CUX1: variants seen among roughly 807,000 people sequenced by gnomAD.
The protein encoded by CUX1 is protein CASP.
CUX1 carries 31 observed loss-of-function variants against 158.8 expected under a neutral mutation model. The observed-to-expected ratio is 0.20, with a 90% confidence interval of 0.15 to 0.26. The LOEUF (loss-of-function observed/expected upper bound fraction) is 0.26, where lower values mean the gene tolerates loss of function less well. Ranked by LOEUF, CUX1 falls within the 10% of genes least tolerant of loss-of-function variation. CUX1 has a pLI of 1.00. For synonymous variants in CUX1, 879 were observed against 862.1 expected, an observed-to-expected ratio of 1.02 and a Z score of -0.34; for missense variants, 1,589 against 2,014.6, an observed-to-expected ratio of 0.79 and a Z score of 4.04.
At chr7:102,157,153 A>G (rs1789857278) in intron 8 of CUX1, among the ~76,000 whole-genome samples, 1 of 152,040 alleles carries the variant, frequency 6.6e-6, no homozygotes, top group Non-Finnish European at 1.5e-5. Flanking sequence ...GGTAAGGCCA[A>G]GAGGAGGAAG....
chr7:102,060,895 A>C (rs1255204606), intron 3 of CUX1, among the ~76,000 whole-genome samples: 2 of 143,820 alleles, frequency 1.4e-5, no homozygotes, highest in African/African-American at 5.3e-5. Flanking sequence ...TACAGGTGTG[A>C]ACCACCGCGC....
At chr7:101,890,171 C>G (rs901267752) in intron 1 of CUX1, among the ~76,000 whole-genome samples, 2 of 152,160 alleles carry the variant, frequency 1.3e-5, no homozygotes, top group African/African-American at 4.8e-5. Context: ...GTGGGATAAT[C>G]GGTGTCTTGG....
chr7:101,832,747 A>G (rs1229500798), intron 1 of CUX1, among the ~76,000 whole-genome samples: 1 of 152,198 alleles, frequency 6.6e-6, no homozygotes, highest in Non-Finnish European at 1.5e-5. Flanking sequence ...GTGGCAAGGC[A>G]GGTACCTACT....
At chr7:102,061,306 C>G (rs1824847014) in intron 3 of CUX1, among the ~76,000 whole-genome samples, 1 of 151,820 alleles carries the variant, frequency 6.6e-6, no homozygotes, top group African/African-American at 2.4e-5. Context: ...CCAAGTCTGT[C>G]TTTTGATCAA....
chr7:101,989,290 C>T (rs958452058), intron 2 of CUX1, among the ~76,000 whole-genome samples: 12 of 152,218 alleles, frequency 7.9e-5, no homozygotes, highest in Non-Finnish European at 1.3e-4. Flanking sequence ...TGGCACCTCG[C>T]CTGGAACGAT....
At chr7:101,930,451 C>G (rs1424152185) in intron 2 of CUX1, among the ~76,000 whole-genome samples, 3 of 152,184 alleles carry the variant, frequency 2.0e-5, no homozygotes, top group Non-Finnish European at 4.4e-5. Context: ...CATGCTAACT[C>G]TGATACTTGC....
intron 1 of CUX1, among the ~76,000 whole-genome samples, chr7:101,876,432 C>T (rs1799143905): frequency 6.6e-6 from 1 of 151,854 alleles, no homozygotes; most frequent in Non-Finnish European, 1.5e-5. Context: ...CGCGCTGGCT[C>T]ATGCCTGTAA....
At chr7:102,067,322 T>A (rs1825656621) in intron 3 of CUX1, among the ~76,000 whole-genome samples, 1 of 132,510 alleles carries the variant, frequency 7.5e-6, no homozygotes, top group South Asian at 2.6e-4. Flanking sequence ...ATCCTCCACC[T>A]CCGGAGTACA....
intron 4 of CUX1, among the ~76,000 whole-genome samples, chr7:102,070,709 G>A (rs899987124): frequency 6.6e-6 from 1 of 152,218 alleles, no homozygotes; most frequent in Non-Finnish European, 1.5e-5. Flanking sequence ...TGCACGTACT[G>A]CAGAGAAGAT....
intron 1 of CUX1, among the ~76,000 whole-genome samples, chr7:101,856,866 C>T (rs1358441220): frequency 6.6e-6 from 1 of 152,164 alleles, no homozygotes; most frequent in African/African-American, 2.4e-5. Context: ...TCTCTGTGTC[C>T]CCACCTTGGC....
intron 1 of CUX1, among the ~76,000 whole-genome samples, chr7:101,857,425 TAC>T (rs2131326122): frequency 6.6e-6 from 1 of 152,366 alleles, no homozygotes; most frequent in South Asian, 2.1e-4. Flanking sequence ...CGCTCTTACT[TAC>T]ATAGTCTGCT....
chr7:101,966,167 C>T (rs1811181580), intron 2 of CUX1, among the ~76,000 whole-genome samples: 1 of 152,010 alleles, frequency 6.6e-6, no homozygotes, highest in Non-Finnish European at 1.5e-5. Context: ...CCGGGCTCAG[C>T]TGATCCTCTT....
At chr7:102,090,298 C>T (rs1297412945) in intron 4 of CUX1, among the ~76,000 whole-genome samples, 5 of 151,300 alleles carry the variant, frequency 3.3e-5, no homozygotes, top group African/African-American at 4.9e-5. Flanking sequence ...TAGGGATATT[C>T]AGCTTGTACT....
At chr7:102,056,560 C>G (rs1166924140) in intron 3 of CUX1, among the ~76,000 whole-genome samples, 1 of 152,118 alleles carries the variant, frequency 6.6e-6, no homozygotes, top group East Asian at 1.9e-4. Context: ...GACCTACTGC[C>G]CAGAATAAAA....
At chr7:102,107,930 C>T (rs1830534420) in intron 6 of CUX1, among the ~76,000 whole-genome samples, 1 of 152,226 alleles carries the variant, frequency 6.6e-6, no homozygotes. Context: ...CGCGGCAGGG[C>T]ACAGACTCCA....
At chr7:102,211,731 G>T (rs1796548742) in intron 20 of CUX1, among the ~76,000 whole-genome samples, 1 of 141,136 alleles carries the variant, frequency 7.1e-6, no homozygotes, top group Non-Finnish European at 1.5e-5. Flanking sequence ...AGTGGGCCGA[G>T]ATTGCACTAT....
intron 1 of CUX1, among the ~76,000 whole-genome samples, chr7:101,867,958 G>A (rs188557498): frequency 3.9e-5 from 6 of 151,914 alleles, no homozygotes; most frequent in East Asian, 1.9e-4. Context: ...TGATCTGCCC[G>A]CCTTGGCCTC....
chr7:102,224,019 T>A (rs1181963199), intron 20 of CUX1, among the ~76,000 whole-genome samples: 2 of 152,188 alleles, frequency 1.3e-5, no homozygotes. Flanking sequence ...TCTGAGCTCG[T>A]GGATTCACGG....
chr7:101,825,099 G>A (rs543401962), intron 1 of CUX1, among the ~76,000 whole-genome samples: 6 of 152,276 alleles, frequency 3.9e-5, no homozygotes, highest in African/African-American at 1.4e-4. Flanking sequence ...ACCGCCCGGA[G>A]AATACCAACC....
Sources: allele counts gnomAD v4.1 joint callset (sites outside exome capture counted in the v4.1 genomes callset), GRCh38; gene constraint gnomAD v4.1.1; transcripts MANE v1.5; gene names NCBI Gene and HGNC (gene_info 2026-07-23, HGNC 2026-07-21).